Variants in TCF12 observed in about 807,000 individuals in gnomAD.
The protein encoded by TCF12 is transcription factor 12.
Under a neutral mutation model 86.0 loss-of-function variants are expected in TCF12, and 45 were observed. The ratio of observed to expected loss-of-function variants is 0.52; its 90% confidence interval spans 0.41 to 0.67. The LOEUF is 0.67. Among genes scored for constraint, TCF12 ranks in the 30% least tolerant of loss-of-function variants. TCF12 has a pLI of 0.00. For missense variants in TCF12, 881 were observed against 859.9 expected, an observed-to-expected ratio of 1.02 and a Z score of -0.31; for synonymous variants, 330 against 299.6, an observed-to-expected ratio of 1.10 and a Z score of -1.05.
intron 3 of TCF12, among the ~76,000 whole-genome samples, chr15:57,037,786 A>G (rs1020151348): frequency 2.0e-5 from 3 of 152,194 alleles, no homozygotes; most frequent in African/African-American, 7.2e-5. Context: ...TCTCACACAC[A>G]TGTACTTACA....
intron 3 of TCF12, among the ~76,000 whole-genome samples, chr15:57,020,174 G>A (rs561074589): frequency 6.6e-6 from 1 of 152,300 alleles, no homozygotes; most frequent in African/African-American, 2.4e-5. Context: ...TGTAAGATAG[G>A]AATTACACCA....
chr15:56,957,557 G>A (rs79779403), intron 3 of TCF12, among the ~76,000 whole-genome samples: 379 of 152,188 alleles, frequency 2.5e-3, no homozygotes, highest in African/African-American at 8.8e-3. Context: ...TTGCAAGTTT[G>A]ATTTGTGTCT....
chr15:57,173,957 C>T (rs2055722245), intron 6 of TCF12, among the ~76,000 whole-genome samples: 1 of 152,148 alleles, frequency 6.6e-6, no homozygotes. Context: ...CCCCCCGCCT[C>T]AGCCTCTCAA....
chr15:57,013,849 T>C (rs2064987759), intron 3 of TCF12, among the ~76,000 whole-genome samples: 1 of 152,220 alleles, frequency 6.6e-6, no homozygotes, highest in Non-Finnish European at 1.5e-5. Flanking sequence ...GGTATTGACA[T>C]TTAAAAATAA....
At chr15:57,222,064 T>G (rs1241997758) in intron 8 of TCF12, among the ~76,000 whole-genome samples, 1 of 152,018 alleles carries the variant, frequency 6.6e-6, no homozygotes, top group Non-Finnish European at 1.5e-5. Context: ...TAATCTCATT[T>G]TATAGATTTA....
intron 2 of TCF12, 21 bp from the exon 3 acceptor site, chr15:56,921,005 T>G: frequency 1.3e-6 from 2 of 1,578,934 alleles, no homozygotes; most frequent in Non-Finnish European, 1.7e-6. Flanking sequence ...GACTAACAGA[T>G]ATATTTGGGT....
intron 3 of TCF12, among the ~76,000 whole-genome samples, chr15:56,936,904 A>G (rs1258673719): frequency 1.3e-5 from 2 of 152,120 alleles, no homozygotes; most frequent in African/African-American, 4.8e-5. Flanking sequence ...AAGTCAGGTA[A>G]TGTGATGCCA....
intron 5 of TCF12, among the ~76,000 whole-genome samples, chr15:57,158,672 G>C (rs994101713): frequency 1.3e-5 from 2 of 152,178 alleles, no homozygotes; most frequent in Non-Finnish European, 2.9e-5. Flanking sequence ...ATAAAGGCTG[G>C]GTTAGAAAAG....
At chr15:56,987,826 A>G (rs1303777680) in intron 3 of TCF12, among the ~76,000 whole-genome samples, 1 of 152,232 alleles carries the variant, frequency 6.6e-6, no homozygotes, top group Admixed American at 6.5e-5. Context: ...AACATCATCC[A>G]GAAGTAAAAG....
intron 6 of TCF12, among the ~76,000 whole-genome samples, chr15:57,180,130 A>G (rs1187372246): frequency 6.6e-6 from 1 of 152,184 alleles, no homozygotes; most frequent in Non-Finnish European, 1.5e-5. Context: ...ATATTTTCCA[A>G]ATTTGAAATG....
chr15:56,988,017 T>C (rs2063277129), intron 3 of TCF12, among the ~76,000 whole-genome samples: 1 of 152,196 alleles, frequency 6.6e-6, no homozygotes, highest in Non-Finnish European at 1.5e-5. Flanking sequence ...TATGTGGTCT[T>C]ATGCTTATAA....
intron 3 of TCF12, among the ~76,000 whole-genome samples, chr15:56,932,164 A>C (rs1463673085): frequency 6.6e-6 from 1 of 152,228 alleles, no homozygotes; most frequent in African/African-American, 2.4e-5. Context: ...GATTGGGAGA[A>C]GGGGAGGAAT....
At chr15:57,058,455 T>C (rs1280831562) in intron 3 of TCF12, among the ~76,000 whole-genome samples, 5 of 152,202 alleles carry the variant, frequency 3.3e-5, no homozygotes, top group Non-Finnish European at 7.4e-5. Context: ...CTAAAAACTT[T>C]AATGGAACAT....
At chr15:57,037,570 C>G (rs1389513481) in intron 3 of TCF12, among the ~76,000 whole-genome samples, 1 of 152,148 alleles carries the variant, frequency 6.6e-6, no homozygotes, top group East Asian at 1.9e-4. Flanking sequence ...GGGTTGTCCT[C>G]TTGTATTGTC....
intron 5 of TCF12, among the ~76,000 whole-genome samples, chr15:57,092,714 A>G (rs536177178): frequency 6.6e-6 from 1 of 152,172 alleles, no homozygotes; most frequent in African/African-American, 2.4e-5. Flanking sequence ...TATTACAAAA[A>G]CTTTTATCTG....
At chr15:57,210,999 ACT>A (rs1421093162) in intron 8 of TCF12, among the ~76,000 whole-genome samples, 4 of 152,122 alleles carry the variant, frequency 2.6e-5, no homozygotes, top group African/African-American at 9.7e-5. Flanking sequence ...TGACTCCTTA[ACT>A]CTGTGTTGCG....
chr15:57,269,887 G>A (rs370613147), intron 18 of TCF12, among the ~76,000 whole-genome samples: 1,771 of 152,232 alleles, frequency 0.012, 32 homozygotes, highest in African/African-American at 0.04. Flanking sequence ...TATTGGCCCC[G>A]ACTCTCTTCT....
intron 12 of TCF12, among the ~76,000 whole-genome samples, chr15:57,238,120 A>G (rs2059455271): frequency 6.6e-6 from 1 of 152,204 alleles, no homozygotes; most frequent in Non-Finnish European, 1.5e-5. Flanking sequence ...GTACAAATGG[A>G]GAAGCTGCTT....
At chr15:57,169,678 T>C (rs1466751666) in intron 6 of TCF12, among the ~76,000 whole-genome samples, 2 of 149,564 alleles carry the variant, frequency 1.3e-5, no homozygotes, top group African/African-American at 5.1e-5. Context: ...TTAACATTAC[T>C]GCTAAACTTG....
Sources: gnomAD v4.1 joint callset for allele counts (sites outside exome capture counted in the v4.1 genomes callset) on GRCh38, gnomAD v4.1.1 for gene constraint, MANE v1.5 for transcripts, NCBI Gene and HGNC (gene_info 2026-07-23, HGNC 2026-07-21) for gene names.